The following AR variants were observed in gnomAD, a reference collection of about 807,000 sequenced individuals.
The protein encoded by AR is androgen receptor, also known as dihydrotestosterone receptor.
A neutral mutation model predicts 53.9 loss-of-function variants in AR; 8 were observed. The ratio of observed to expected loss-of-function variants is 0.15; its 90% confidence interval spans 0.09 to 0.27. The LOEUF is 0.27. Among genes scored for constraint, AR ranks in the 10% least tolerant of loss-of-function variants. AR has a pLI of 1.00. For missense variants in AR, 639 were observed against 742.5 expected (o/e 0.86, Z 1.62); for synonymous variants, 359 against 316.4 (o/e 1.13, Z -1.43).
intron 2 of AR, among the ~76,000 whole-genome samples, chrX:67,681,213 G>A (rs1218603388): frequency 2.7e-5 from 3 of 111,330 alleles, no homozygotes; most frequent in African/African-American, 9.8e-5. Context: ...TCAAACAACT[G>A]GGTATAATGT....
chrX:67,650,226 A>G (rs1055945200), intron 2 of AR, among the ~76,000 whole-genome samples: 9 of 112,245 alleles, frequency 8.0e-5, no homozygotes, highest in African/African-American at 2.6e-4. Context: ...TTTCATATGG[A>G]ACCAAAAAGA....
At chrX:67,708,080 T>A (rs2076076666) in intron 3 of AR, among the ~76,000 whole-genome samples, 1 of 111,840 alleles carries the variant, frequency 8.9e-6, no homozygotes, top group Non-Finnish European at 1.9e-5. Flanking sequence ...TAACATTGTA[T>A]CCTTCATTTC....
chrX:67,659,680 G>A lies in AR; in HGVS notation c.1768+16273G>A, dbSNP rs375676606. 5.5e-4 allele frequency among the ~76,000 whole-genome samples: 61 copies of A among 111,729 alleles called. 5 individuals carry two copies. The South Asian group carries it at 6.4e-3, about 12-fold the overall frequency. ...GTGAATAGTGCCATGATAAACATAC[G>A]TGTGCATGTGTCTTTATAGCAGCAT... On this transcript the variant is annotated intron_variant, in intron 2 of 7. Transcript: ENST00000374690.
chrX:67,564,140 C>G (rs1245730558), intron 1 of AR, among the ~76,000 whole-genome samples: 2 of 111,356 alleles, frequency 1.8e-5, no homozygotes, highest in Admixed American at 1.9e-4. Context: ...TCTCAACACC[C>G]CAAACAGATT....
At chrX:67,551,089 G>A (rs1304289562) in intron 1 of AR, among the ~76,000 whole-genome samples, 1 of 102,784 alleles carries the variant, frequency 9.7e-6, no homozygotes, top group Non-Finnish European at 2.0e-5. Flanking sequence ...TGAGGACTTG[G>A]CAATTTCATA....
chrX:67,661,120 C>T lies in AR; in HGVS notation c.1768+17713C>T, dbSNP rs140122381. ...AGCTTAAGGAGATTTTGGGTTGAGA[C>T]GATGGGGTTTTCTAGGTATACAATC... is the stretch of plus-strand genomic sequence containing the variant. On this transcript the variant is annotated intron_variant, in intron 2 of 7. Coordinates refer to ENST00000374690, the MANE Select transcript of AR (RefSeq NM_000044.6). Among the ~76,000 whole-genome samples, 888 of 111,458 alleles carry T rather than the reference C, an allele frequency of 8.0e-3. 7 individuals are homozygous for T. The highest frequency in any genetic ancestry group is 0.028 in the African/African-American group (849 of 30,636).
intron 6 of AR, 30 bp downstream of exon 6, chrX:67,721,993 C>T (rs1311517167): frequency 1.7e-6 from 2 of 1,207,120 alleles, no homozygotes; most frequent in Non-Finnish European, 2.2e-6. Flanking sequence ...GGGAATGCCC[C>T]CTGAGGGCAC....
chrX:67,657,936 A>T (rs1175393054), intron 2 of AR, among the ~76,000 whole-genome samples: 2 of 111,135 alleles, frequency 1.8e-5, no homozygotes, highest in Non-Finnish European at 3.8e-5. Flanking sequence ...GGGGTTTGGG[A>T]TTGGAGCATG....
intron 2 of AR, among the ~76,000 whole-genome samples, chrX:67,662,815 G>T (rs993290692): frequency 9.7e-4 from 106 of 109,150 alleles, no homozygotes; most frequent in Non-Finnish European, 1.5e-3. Flanking sequence ...CTCCTGTATT[G>T]GTTGCATATA....
Position 67,711,614 on chromosome X carries a change from G to A in AR, c.2098G>A (p.Ala700Thr), listed in dbSNP as rs1569312988. The A allele has an allele frequency of 8.3e-7, 1 of 1,210,655 alleles. No homozygotes were observed. Among genetic ancestry groups the A allele is most frequent in the South Asian group, 1.8e-5 (1 of 56,781 alleles). The change falls in exon 4 of 8, where the codon GCC becomes ACC. Residue 700 changes from alanine (A) to threonine (T), a missense_variant. By Grantham distance (58) the Ala-to-Thr change is moderately conservative. Around this residue, in one of 5 missense-constraint regions of AR, gnomAD observed 95 missense variants for 196.4 expected, o/e 0.48. Transcript: ENST00000374690. ...HDNNQPDSFA[A>T]LLSSLNELGE... ...CAACAACCAGCCCGACTCCTTTGCA[G>A]CCTTGCTCTCTAGCCTCAATGAACT...
At chrX:67,695,931 C>A in intron 3 of AR, 1 of 753,684 alleles carries the variant, frequency 1.3e-6, no homozygotes, top group Non-Finnish European at 1.6e-6. Context: ...CTTCTCAGGG[C>A]AGAATTTTAA....
intron 1 of AR, among the ~76,000 whole-genome samples, chrX:67,597,650 C>T (rs1923145097): frequency 9.0e-6 from 1 of 111,723 alleles, no homozygotes; most frequent in African/African-American, 3.3e-5. Flanking sequence ...GAAAATTTGG[C>T]TCATACTGGC....
intron 4 of AR, among the ~76,000 whole-genome samples, chrX:67,712,741 G>T (rs1026624187): frequency 8.9e-6 from 1 of 111,903 alleles, no homozygotes; most frequent in Non-Finnish European, 1.9e-5. Flanking sequence ...GCCCTTTAAA[G>T]GTTCTCCTAA....
rs367835911 is a variant in AR at position 67,685,583 on chromosome X, A to G, written c.1769-427A>G. Among the ~76,000 whole-genome samples, 3 of 111,847 alleles carry G rather than the reference A, an allele frequency of 2.7e-5. No individual in the cohort carries two copies. The East Asian group carries it at 8.5e-4, about 32-fold the overall frequency. The stretch of plus-strand genomic sequence containing the variant: ...ATAAGCATCTTATTAGCTCGAGTGT[A>G]ATTCTATGCATGATTACAGGTATCA... On this transcript the variant is annotated intron_variant, in intron 2 of 7. Coordinates refer to ENST00000374690, the MANE Select transcript of AR (RefSeq NM_000044.6).
intron 1 of AR, 101 bp from the exon 2 acceptor site, chrX:67,643,155 G>A: frequency 1.0e-6 from 1 of 996,381 alleles, no homozygotes; most frequent in Non-Finnish European, 1.4e-6. Flanking sequence ...ATGAATAATA[G>A]TCATTTATGC....
chrX:67,648,381 T>TA (rs1261996634), intron 2 of AR, among the ~76,000 whole-genome samples: 5 of 111,521 alleles, frequency 4.5e-5, no homozygotes, highest in African/African-American at 1.6e-4. Context: ...ATGACACATA[T>TA]ATTCCAGATG....
At position 67,726,519 on chromosome X, in the gene AR, G is replaced by T. The variant is rs754000344; in HGVS notation, c.*2678G>T. 5.8e-5 allele frequency: 10 copies of T among 173,503 alleles called. No individual in the cohort carries two copies. Among genetic ancestry groups the T allele is most frequent in the Middle Eastern group, 3.5e-3 (2 of 574 alleles). The allele number at this position is 173,503 out of a possible 1,213,427, so 14.3% of individuals were successfully genotyped here. On this transcript the variant is annotated 3_prime_UTR_variant, in exon 8 of 8. Coordinates refer to ENST00000374690, the MANE Select transcript of AR (RefSeq NM_000044.6). Reference sequence around the variant, plus strand: ...TATGGGTTTCCCAATTGTGACTCTTGTCTTCATGAATATATGTTTTTCATT... The same window carrying T: ...TATGGGTTTCCCAATTGTGACTCTTTTCTTCATGAATATATGTTTTTCATT...
intron 1 of AR, among the ~76,000 whole-genome samples, chrX:67,628,086 G>C (rs1345195423): frequency 2.7e-5 from 3 of 111,523 alleles, no homozygotes; most frequent in African/African-American, 9.8e-5. Flanking sequence ...CTCCAGCTTT[G>C]TTCTTTTGGC....
intron 2 of AR, among the ~76,000 whole-genome samples, chrX:67,651,114 C>A (rs1471286649): frequency 1.8e-5 from 2 of 108,634 alleles, no homozygotes; most frequent in East Asian, 2.9e-4. Flanking sequence ...GATCTCGGCT[C>A]ACTGCAACCT....
Sources: gnomAD v4.1 joint callset for allele counts (sites outside exome capture counted in the v4.1 genomes callset) on GRCh38, gnomAD v4.1.1 for gene constraint, gnomAD v4.1.1 regional missense constraint, MANE v1.5 for transcripts, NCBI Gene and HGNC (gene_info 2026-07-23, HGNC 2026-07-21) for gene names.